Variants in SLIT2 observed in about 807,000 individuals in gnomAD.
SLIT2 encodes slit homolog 2 protein.
In SLIT2, 41 loss-of-function variants were observed where a neutral mutation model predicts 185.7. The ratio of observed to expected loss-of-function variants is 0.22; its 90% CI spans 0.17 to 0.29. The LOEUF (loss-of-function observed/expected upper bound fraction) is 0.29. Among genes scored for constraint, SLIT2 ranks in the 10% least tolerant of loss-of-function variants. SLIT2 has a pLI of 1.00. For synonymous variants in SLIT2, 693 were observed against 680.2 expected (o/e 1.02, Z -0.29); for missense variants, 1,571 against 1,909.0 (o/e 0.82, Z 3.30).
chr4:20,252,368 G>T lies in SLIT2; in HGVS notation c.-1448G>T, dbSNP rs1722109474. On this transcript the variant is annotated 5_prime_UTR_variant, in exon 1 of 37. Coordinates refer to ENST00000504154, the MANE Select transcript of SLIT2 (RefSeq NM_004787.4). ...TCCCTCTCCCCGACCTCGCTCCCTGGAGCGGGAGGCCAGGAAAGCAGCGGG... is the reference window on the plus strand; with the variant it reads ...TCCCTCTCCCCGACCTCGCTCCCTGTAGCGGGAGGCCAGGAAAGCAGCGGG... 6.6e-6 allele frequency among the ~76,000 whole-genome samples: 1 copy of T among 152,280 alleles called. No homozygotes were observed. The highest frequency in any genetic ancestry group is 2.1e-4 in the South Asian group (1 of 4,826).
chr4:20,559,547 A>G (rs866923628), intron 26 of SLIT2, among the ~76,000 whole-genome samples: 1 of 152,002 alleles, frequency 6.6e-6, no homozygotes, highest in African/African-American at 2.4e-5. Context: ...ATAGTTGCCA[A>G]TACTACTACC....
intron 4 of SLIT2, among the ~76,000 whole-genome samples, chr4:20,425,630 C>T (rs1308285707): frequency 1.3e-5 from 2 of 152,132 alleles, no homozygotes; most frequent in Non-Finnish European, 2.9e-5. Flanking sequence ...TCCAAATCTT[C>T]CTGTCCATAA....
In SLIT2 at chr4:20,259,480, G is replaced by A. The variant is rs1712211372; in HGVS notation, c.323+1541G>A. ...ACTTCCAAACCATTGAAGGAGTTTT[G>A]ATGGCTTTTTATGCAGTCTCTATTT... On this transcript the variant is annotated intron_variant, in intron 3 of 36. Transcript: ENST00000504154. Among the ~76,000 whole-genome samples the A allele has an allele frequency of 2.6e-5, 4 of 151,678 alleles. No individual in the cohort carries two copies. The South Asian group carries it at 6.2e-4, about 24-fold the overall frequency.
rs75867834 is a variant in SLIT2 at position 20,519,044 on chromosome 4, T to C, written c.1059-338T>C. Among the ~76,000 whole-genome samples the C allele has an allele frequency of 8.8e-3, 1,341 of 152,338 alleles. 21 individuals are homozygous for C. The highest frequency in any genetic ancestry group is 0.031 in the African/African-American group (1,278 of 41,564). ...ACACTTAGCATTCTTCTTTGTCATA[T>C]ATAGTGTGCTCTCATTACATATGAA... On this transcript the variant is annotated intron_variant, in intron 11 of 36. Coordinates refer to ENST00000504154, the MANE Select transcript of SLIT2 (RefSeq NM_004787.4).
In SLIT2 at chr4:20,254,047, G is replaced by C; in HGVS notation, c.179+53G>C. 1 of 1,549,470 alleles carries C rather than the reference G, an allele frequency of 6.5e-7. No individual in the cohort carries two copies. The highest frequency in any genetic ancestry group is 8.7e-7 in the Non-Finnish European group (1 of 1,143,216). On this transcript the variant is annotated intron_variant, in intron 1 of 36. Transcript: ENST00000504154. This position sits in a 1 kb window ranked among gnomAD's most constrained non-coding sequence, Gnocchi z 5.1. ...CTCCCCATCCGGGCCGCGCACCCCTGCCTCCACTGGAGGAACCTGTCAGCT... is the reference window on the plus strand; with the variant it reads ...CTCCCCATCCGGGCCGCGCACCCCTCCCTCCACTGGAGGAACCTGTCAGCT...
At chr4:20,600,100 A>G (rs1052815797) in intron 33 of SLIT2, among the ~76,000 whole-genome samples, 9 of 152,172 alleles carry the variant, frequency 5.9e-5, no homozygotes, top group South Asian at 2.1e-4. Context: ...TCTTGCCTCA[A>G]TGTGTTTCAG....
intron 4 of SLIT2, among the ~76,000 whole-genome samples, chr4:20,453,334 A>C (rs549352478): frequency 2.8e-4 from 42 of 152,274 alleles, no homozygotes; most frequent in African/African-American, 1.0e-3. Context: ...AACTGTGAAA[A>C]AGCGTTTTCT....
At chr4:20,268,924 T>A in intron 4 of SLIT2, 43 bp downstream of exon 4, 1 of 1,159,762 alleles carries the variant, frequency 8.6e-7, no homozygotes, top group Non-Finnish European at 1.3e-6. Flanking sequence ...GGTAGTACCT[T>A]GTGTTTTATT....
chr4:20,339,631 T>C (rs1374265974), intron 4 of SLIT2, among the ~76,000 whole-genome samples: 2 of 152,192 alleles, frequency 1.3e-5, no homozygotes, highest in African/African-American at 2.4e-5. Flanking sequence ...TTACTCTTTC[T>C]AGGTAGCACA....
In SLIT2 at chr4:20,486,161, TG is replaced by T. The variant is rs748422393; in HGVS notation, c.540-38del. On this transcript the variant is annotated intron_variant, in intron 6 of 36. Coordinates refer to ENST00000504154, the MANE Select transcript of SLIT2 (RefSeq NM_004787.4). ...AATATATAAAATGATCAATCAATTTTGTATCTAAAAATTCTAACTTTTCTTT... is the reference window on the plus strand; with the variant it reads ...AATATATAAAATGATCAATCAATTTTTATCTAAAAATTCTAACTTTTCTTT... The T allele has an allele frequency of 1.6e-5, 20 of 1,226,482 alleles. No individual in the cohort carries two copies. The East Asian group carries it at 4.7e-4, about 29-fold the overall frequency. 76.0% of individuals were successfully genotyped at this position (1,226,482 alleles called of 1,614,324 possible). A position where few individuals can be genotyped will look rare whatever the true frequency, so the allele number is the denominator to read the frequency against.
intron 4 of SLIT2, among the ~76,000 whole-genome samples, chr4:20,410,078 C>T (rs1367711381): frequency 6.6e-6 from 1 of 152,126 alleles, no homozygotes; most frequent in East Asian, 1.9e-4. Context: ...TGAATTAGAT[C>T]CCATTTGTCA....
intron 4 of SLIT2, among the ~76,000 whole-genome samples, chr4:20,347,150 A>C (rs929150424): frequency 3.9e-5 from 6 of 152,248 alleles, no homozygotes; most frequent in African/African-American, 1.2e-4. Flanking sequence ...ATGGTAAAGA[A>C]AAGGAAGCGG....
At chr4:20,431,833 G>A (rs1226568065) in intron 4 of SLIT2, among the ~76,000 whole-genome samples, 1 of 152,224 alleles carries the variant, frequency 6.6e-6, no homozygotes, top group East Asian at 1.9e-4. Flanking sequence ...AAGTGAAGTT[G>A]AGCTCCTGGC....
At chr4:20,439,973 G>A (rs1451672528) in intron 4 of SLIT2, among the ~76,000 whole-genome samples, 1 of 152,136 alleles carries the variant, frequency 6.6e-6, no homozygotes, top group Non-Finnish European at 1.5e-5. Context: ...ATTATATAAA[G>A]TTTTCCATCT....
At chr4:20,571,083 C>A (rs1725566017) in intron 29 of SLIT2, among the ~76,000 whole-genome samples, 1 of 152,032 alleles carries the variant, frequency 6.6e-6, no homozygotes, top group African/African-American at 2.4e-5. Flanking sequence ...TATGTCAGAT[C>A]TCTTTCTTTG....
chr4:20,619,217 G>A lies in SLIT2; in HGVS notation c.*208G>A, dbSNP rs1729914382. 5.9e-6 allele frequency: 3 copies of A among 511,850 alleles called. No individual in the cohort carries two copies. The highest frequency in any genetic ancestry group is 3.9e-5 in the African/African-American group (2 of 51,678). The allele number at this position is 511,850 out of a possible 1,614,324, so 31.7% of individuals were successfully genotyped here. On this transcript the variant is annotated 3_prime_UTR_variant, in exon 37 of 37. Coordinates refer to ENST00000504154, the MANE Select transcript of SLIT2 (RefSeq NM_004787.4). ...CTAAAGCTTCCCCTATGCTGGAGAA[G>A]TATGAAGAAAGATATACCTGGAGAC...
intron 14 of SLIT2, 27 bp from the exon 15 acceptor site, chr4:20,525,122 C>T (rs767255358): frequency 4.4e-6 from 7 of 1,584,918 alleles, no homozygotes; most frequent in Non-Finnish European, 5.2e-6. Context: ...GGTGCATCTT[C>T]TATTTTTTGT....
chr4:20,317,538 C>T (rs1718708888), intron 4 of SLIT2, among the ~76,000 whole-genome samples: 1 of 151,992 alleles, frequency 6.6e-6, no homozygotes, highest in East Asian at 1.9e-4. Context: ...AATCATTGCT[C>T]TTTTATTAGG....
rs78728780 is a variant in SLIT2 at position 20,500,368 on chromosome 4, A to G, written c.914+8469A>G. Among the ~76,000 whole-genome samples, 868 of 152,314 alleles carry G rather than the reference A, an allele frequency of 5.7e-3. 16 individuals are homozygous for G. In the East Asian group the frequency reaches 0.07, roughly 12 times the overall value. ...ATTTTATTAGAGCACTTCTTAACAC[A>G]TGGAGCATTTGTTAGCATTTTGCAG... On this transcript the variant is annotated intron_variant, in intron 9 of 36. Transcript: ENST00000504154.
Sources: allele counts gnomAD v4.1 joint callset (sites outside exome capture counted in the v4.1 genomes callset), GRCh38; gene constraint gnomAD v4.1.1; non-coding constraint Gnocchi (gnomAD v3.1); transcripts MANE v1.5; gene names NCBI Gene and HGNC (gene_info 2026-07-23, HGNC 2026-07-21).